Variants in DEPDC5 observed in about 807,000 individuals in gnomAD.
DEPDC5 encodes the protein DEP domain containing 5, GATOR1 subcomplex subunit.
A neutral mutation model predicts 217.3 loss-of-function variants in DEPDC5; 73 were observed. The observed-to-expected ratio is 0.34, with a 90% confidence interval of 0.28 to 0.41. The LOEUF (loss-of-function observed/expected upper bound fraction) is 0.41. Ranked by LOEUF, DEPDC5 falls within the 10% of genes least tolerant of loss-of-function variation. DEPDC5 has a pLI of 1.00. For missense variants in DEPDC5, 1,675 were observed against 2,070.1 expected (o/e 0.81, Z 3.70); for synonymous variants, 733 against 756.7 (o/e 0.97, Z 0.51).
rs1047057030 is a variant in DEPDC5 at position 31,869,892 on chromosome 22, A to G, written c.3331-698A>G. ...AGCTGGCTCACAGGGAGGGTTTTTGAGGGAGAGGCTGCAATCAGGGGCTAT... is the reference window on the plus strand; with the variant it reads ...AGCTGGCTCACAGGGAGGGTTTTTGGGGGAGAGGCTGCAATCAGGGGCTAT... On this transcript the variant is annotated intron_variant, in intron 33 of 42. Transcript: ENST00000651528. Among the ~76,000 whole-genome samples the G allele has an allele frequency of 2.5e-4, 38 of 152,138 alleles. 2 individuals carry two copies. Among genetic ancestry groups the G allele is most frequent in the Non-Finnish European group, 5.9e-5 (4 of 68,030 alleles).
intron 12 of DEPDC5, among the ~76,000 whole-genome samples, chr22:31,796,550 ATAAAT>A (rs940324775): frequency 1.3e-5 from 2 of 152,190 alleles, no homozygotes; most frequent in African/African-American, 4.8e-5. Context: ...AGTTTTTATG[ATAAAT>A]TGCCAGAAAT....
chr22:31,864,099 G>C (rs1476299058), intron 33 of DEPDC5, among the ~76,000 whole-genome samples: 1 of 144,806 alleles, frequency 6.9e-6, no homozygotes, highest in Non-Finnish European at 1.5e-5. Context: ...AATGGAGTCA[G>C]TTGGATGCTT....
chr22:31,814,634 A>T (rs2088852156), intron 20 of DEPDC5: 1 of 215,250 alleles, frequency 4.6e-6, no homozygotes, highest in Admixed American at 5.3e-5. Context: ...GGGCAAGTAG[A>T]CTTCTTGGGC....
chr22:31,827,296 A>G (rs1202654137), intron 24 of DEPDC5, among the ~76,000 whole-genome samples: 5 of 152,228 alleles, frequency 3.3e-5, no homozygotes, highest in Admixed American at 3.3e-4. Context: ...AATTATGTTA[A>G]TGAGCCACTG....
intron 12 of DEPDC5, among the ~76,000 whole-genome samples, chr22:31,793,564 CGTT>C (rs1311863602): frequency 6.6e-6 from 1 of 151,438 alleles, no homozygotes. Context: ...TCATGTTTAA[CGTT>C]ATTATTATTA....
chr22:31,762,791 G>A (rs1195049630), intron 4 of DEPDC5, among the ~76,000 whole-genome samples: 2 of 151,734 alleles, frequency 1.3e-5, no homozygotes, highest in Non-Finnish European at 2.9e-5. Flanking sequence ...AAAATAAAGG[G>A]CTTTGATGTC....
chr22:31,766,717 A>G (rs766530531), intron 6 of DEPDC5, 49 bp downstream of exon 6: 20 of 1,515,108 alleles, frequency 1.3e-5, no homozygotes, highest in Non-Finnish European at 1.8e-5. Context: ...CATTATGTGA[A>G]TAATCCCTGT....
At chr22:31,785,134 T>C (rs531060454) in intron 10 of DEPDC5, 16 of 364,594 alleles carry the variant, frequency 4.4e-5, no homozygotes, top group Admixed American at 1.3e-4. Flanking sequence ...TTGCCACTGA[T>C]ATTCAACATT....
intron 33 of DEPDC5, among the ~76,000 whole-genome samples, chr22:31,862,563 C>CA (rs1422540176): frequency 1.3e-5 from 2 of 151,570 alleles, no homozygotes; most frequent in East Asian, 1.9e-4. Flanking sequence ...GAGTCCATCT[C>CA]AAAAAAAATA....
In DEPDC5 at chr22:31,877,436, C is replaced by CAAAAAAA. The variant is rs71184527; in HGVS notation, c.3805+1196_3805+1202dup. Among the ~76,000 whole-genome samples the CAAAAAAA allele has an allele frequency of 1.1e-3, 24 of 21,016 alleles. 3 individuals carry two copies. Among genetic ancestry groups the CAAAAAAA allele is most frequent in the African/African-American group, 2.2e-3 (16 of 7,318 alleles). 13.8% of individuals were successfully genotyped at this position (21,016 alleles called of 152,430 possible). A position where few individuals can be genotyped will look rare whatever the true frequency, so the allele number is the denominator to read the frequency against. Reference sequence around the variant, plus strand: ...TGGGCTACAGAGTGAGACTCCATCTCAAAAAAAAAAAAAAAAAAAAAAAAA... The same window carrying CAAAAAAA: ...TGGGCTACAGAGTGAGACTCCATCTCAAAAAAAAAAAAAAAAAAAAAAAAAAAAAAAA... On this transcript the variant is annotated intron_variant, in intron 37 of 42. Transcript: ENST00000651528.
chr22:31,850,591 T>C (rs1810998368), intron 31 of DEPDC5, among the ~76,000 whole-genome samples: 2 of 152,186 alleles, frequency 1.3e-5, no homozygotes, highest in South Asian at 2.1e-4. Flanking sequence ...TTGGAACATA[T>C]ACCCCTCAGA....
rs527902378 is a variant in DEPDC5 at position 31,829,115 on chromosome 22, C to T, written c.2105-4800C>T. Among the ~76,000 whole-genome samples, 7 of 152,302 alleles carry T rather than the reference C, an allele frequency of 4.6e-5. No homozygotes were observed. The South Asian group carries it at 1.5e-3, about 32-fold the overall frequency. On this transcript the variant is annotated intron_variant, in intron 24 of 42. Transcript: ENST00000651528. ...TCCTCCCCTTCCTGACTGCCTGTCC[C>T]ACAGAGCGGTTGTCTGGATCAAAAG...
At chr22:31,867,726 C>G (rs930571356) in intron 33 of DEPDC5, among the ~76,000 whole-genome samples, 2 of 152,212 alleles carry the variant, frequency 1.3e-5, no homozygotes, top group Admixed American at 6.5e-5. Context: ...TATTTACTCT[C>G]TGGTCTCTTG....
intron 38 of DEPDC5, among the ~76,000 whole-genome samples, chr22:31,884,736 T>C (rs1478303985): frequency 6.6e-6 from 1 of 152,174 alleles, no homozygotes; most frequent in Non-Finnish European, 1.5e-5. Flanking sequence ...ATGTCTCCAA[T>C]TTGAGACTCA....
At chr22:31,887,054 G>A (rs1336032279) in intron 38 of DEPDC5, among the ~76,000 whole-genome samples, 1 of 150,286 alleles carries the variant, frequency 6.7e-6, no homozygotes, top group African/African-American at 2.5e-5. Flanking sequence ...TTACGCTCCA[G>A]CCTGGACGAC....
chr22:31,819,334 A>G, intron 22 of DEPDC5, 109 bp downstream of exon 22: 1 of 1,185,788 alleles, frequency 8.4e-7, no homozygotes, highest in Non-Finnish European at 1.2e-6. Context: ...CTCCACCTGT[A>G]AGATGGGATA....
At chr22:31,781,250 AAG>A (rs1365598412) in intron 8 of DEPDC5, among the ~76,000 whole-genome samples, 1 of 151,820 alleles carries the variant, frequency 6.6e-6, no homozygotes, top group Non-Finnish European at 1.5e-5. Flanking sequence ...AAAAAAAACA[AAG>A]AATTTATTAT....
intron 3 of DEPDC5, among the ~76,000 whole-genome samples, chr22:31,759,470 T>A (rs1214560348): frequency 6.6e-6 from 1 of 150,484 alleles, no homozygotes; most frequent in Non-Finnish European, 1.5e-5. Flanking sequence ...GTCTTCCGGG[T>A]TCAAGCCATT....
intron 19 of DEPDC5, 35 bp from the exon 20 acceptor site, chr22:31,810,486 A>G: frequency 6.2e-7 from 1 of 1,613,026 alleles, no homozygotes; most frequent in Non-Finnish European, 8.5e-7. Context: ...TTTGAAATGT[A>G]TTTGATGACA....
Sources: gnomAD v4.1 joint callset for allele counts (sites outside exome capture counted in the v4.1 genomes callset) on GRCh38, gnomAD v4.1.1 for gene constraint, MANE v1.5 for transcripts, NCBI Gene and HGNC (gene_info 2026-07-23, HGNC 2026-07-21) for gene names.